The following XIRP2 variants were observed in gnomAD, a reference collection of about 807,000 sequenced individuals.
XIRP2 encodes the protein xin actin binding repeat containing 2, also known as xin actin-binding repeat-containing protein 2.
A neutral mutation model predicts 277.0 loss-of-function variants in XIRP2; 236 were observed. That is an observed-to-expected ratio of 0.85 (90% CI 0.77 to 0.95). The LOEUF (loss-of-function observed/expected upper bound fraction) is 0.95. Among genes scored for constraint, XIRP2 ranks in the 40% least tolerant of loss-of-function variants. XIRP2 has a pLI of 0.00. For synonymous variants in XIRP2, 1,490 were observed against 1,416.5 expected, an observed-to-expected ratio of 1.05 and a Z score of -1.17; for missense variants, 4,640 against 4,157.5, an observed-to-expected ratio of 1.12 and a Z score of -3.19.
chr2:167,009,570 G>GT (rs887667352), intron 2 of XIRP2, among the ~76,000 whole-genome samples: 8 of 151,976 alleles, frequency 5.3e-5, no homozygotes, highest in Non-Finnish European at 1.2e-4. Context: ...AGTCCTTTGG[G>GT]TATATACCCA....
rs3749004 is a variant in XIRP2 at position 167,250,981 on chromosome 2, A to G, written c.9589A>G (p.Ile3197Val). 207,475 of 1,613,492 alleles carry G rather than the reference A, an allele frequency of 0.13. 15,391 individuals carry two copies. The highest frequency in any genetic ancestry group is 0.3 in the African/African-American group (22,619 of 74,880). Residue 3197 changes from isoleucine (I) to valine (V), a missense_variant, in exon 9 of 11, where the codon ATC (isoleucine) becomes GTC (valine). Ile to Val is a conservative substitution (Grantham distance 29). Coordinates refer to ENST00000409195, the MANE Select transcript of XIRP2 (RefSeq NM_152381.6). The part of the protein sequence containing the change: ...DTTAKLSKGA[I>V]PCPAATPVPI... Reference sequence around the variant, plus strand: ...CACTGCAAAGTTATCCAAAGGGGCCATCCCATGTCCAGCAGCAACCCCGGT... The same window carrying G: ...CACTGCAAAGTTATCCAAAGGGGCCGTCCCATGTCCAGCAGCAACCCCGGT...
chr2:166,955,160 T>G (rs1304365316), intron 2 of XIRP2, among the ~76,000 whole-genome samples: 2 of 151,772 alleles, frequency 1.3e-5, no homozygotes, highest in Non-Finnish European at 2.9e-5. Context: ...GGGAAACAAA[T>G]TAAATGTCTA....
intron 2 of XIRP2, among the ~76,000 whole-genome samples, chr2:167,112,239 T>A (rs1210769547): frequency 6.6e-6 from 1 of 152,040 alleles, no homozygotes; most frequent in Non-Finnish European, 1.5e-5. Flanking sequence ...CTCTAGTTCT[T>A]CTTCTTGTAA....
In XIRP2 at chr2:167,249,547, G is replaced by T. The variant is rs1188946881; in HGVS notation, c.8155G>T (p.Asp2719Tyr). ...TAAAACCATCAAACTTCCAACTCTA[G>T]ATCATACATTAAATGAAACAGACCA... The part of the protein sequence containing the change: ...KVKTIKLPTL[D>Y]HTLNETDHSY... Residue 2719 changes from aspartate to tyrosine, a missense_variant, in exon 9 of 11, where the codon GAT (aspartate) becomes TAT (tyrosine). By Grantham distance (160) the Asp-to-Tyr change is radical (BLOSUM62 -3). Coordinates refer to ENST00000409195, the MANE Select transcript of XIRP2 (RefSeq NM_152381.6). 2 of 1,613,402 alleles carry T rather than the reference G, an allele frequency of 1.2e-6. No homozygotes were observed. Among genetic ancestry groups the T allele is most frequent in the South Asian group, 1.1e-5 (1 of 91,060 alleles).
At chr2:166,915,433 A>G (rs974354353) in intron 2 of XIRP2, among the ~76,000 whole-genome samples, 7 of 152,162 alleles carry the variant, frequency 4.6e-5, no homozygotes, top group African/African-American at 7.2e-5. Context: ...AAGAATGTAT[A>G]CAGTTTTTAA....
At chr2:167,059,415 T>C (rs1689123533) in intron 2 of XIRP2, among the ~76,000 whole-genome samples, 2 of 148,162 alleles carry the variant, frequency 1.3e-5, no homozygotes, top group Non-Finnish European at 3.0e-5. Flanking sequence ...CCTGGCTGGA[T>C]TTAACTTTAA....
intron 1 of XIRP2, among the ~76,000 whole-genome samples, chr2:166,900,688 C>CCAT (rs1486043845): frequency 5.3e-5 from 8 of 152,112 alleles, no homozygotes; most frequent in African/African-American, 1.9e-4. Flanking sequence ...TCCTCCAATG[C>CCAT]CATCACCCCT....
At chr2:167,234,843 A>G (rs1694855785) in intron 5 of XIRP2, among the ~76,000 whole-genome samples, 1 of 151,854 alleles carries the variant, frequency 6.6e-6, no homozygotes. Context: ...GTGTCATCAT[A>G]AATATCTCAA....
chr2:167,172,663 TCTGTTCCACCCAG>T (rs1352559723), intron 3 of XIRP2, among the ~76,000 whole-genome samples: 1 of 152,240 alleles, frequency 6.6e-6, no homozygotes, highest in African/African-American at 2.4e-5. Flanking sequence ...AAGAGATGGC[TCTGTTCCACCCAG>T]CTCTCAGGCA....
intron 3 of XIRP2, among the ~76,000 whole-genome samples, chr2:167,206,878 A>G (rs1693870691): frequency 6.6e-6 from 1 of 152,228 alleles, no homozygotes; most frequent in Admixed American, 6.5e-5. Context: ...ATGTGATGAG[A>G]TGCAATCTGG....
At chr2:167,090,726 T>A (rs1017214598) in intron 2 of XIRP2, among the ~76,000 whole-genome samples, 8 of 152,034 alleles carry the variant, frequency 5.3e-5, no homozygotes, top group Non-Finnish European at 7.4e-5. Context: ...AAAGAAACCT[T>A]AGGGGTGTCC....
chr2:167,152,271 C>T (rs1364053797), intron 3 of XIRP2, among the ~76,000 whole-genome samples: 1 of 152,080 alleles, frequency 6.6e-6, no homozygotes, highest in Non-Finnish European at 1.5e-5. Context: ...AAAAGAAGAA[C>T]AGCATCCTTT....
intron 2 of XIRP2, among the ~76,000 whole-genome samples, chr2:167,107,021 C>T (rs112608097): frequency 0.03 from 4,601 of 151,136 alleles, 79 homozygotes; most frequent in East Asian, 0.05. Flanking sequence ...ATATATATTG[C>T]GTGACCTTCC....
intron 3 of XIRP2, among the ~76,000 whole-genome samples, chr2:167,196,669 A>AG (rs1693529403): frequency 6.6e-6 from 1 of 152,094 alleles, no homozygotes; most frequent in African/African-American, 2.4e-5. Flanking sequence ...AATGGGACAT[A>AG]GGGCTTTGTG....
At chr2:167,112,274 T>C (rs779121792) in intron 2 of XIRP2, among the ~76,000 whole-genome samples, 1 of 152,000 alleles carries the variant, frequency 6.6e-6, no homozygotes, top group Non-Finnish European at 1.5e-5. Flanking sequence ...GAGGTCTTTC[T>C]AACTTTTTAA....
chr2:166,907,459 T>C (rs1428891973), intron 2 of XIRP2, among the ~76,000 whole-genome samples: 6 of 152,172 alleles, frequency 3.9e-5, no homozygotes, highest in South Asian at 4.1e-4. Flanking sequence ...TGGCAGTTCA[T>C]CTGATCTTGT....
chr2:167,177,946 G>A (rs73970878), intron 3 of XIRP2, among the ~76,000 whole-genome samples: 2,649 of 151,770 alleles, frequency 0.017, 85 homozygotes, highest in African/African-American at 0.061. Context: ...CTAACTAAAT[G>A]GAATATGGTA....
At chr2:167,076,097 T>C (rs115617557) in intron 2 of XIRP2, among the ~76,000 whole-genome samples, 2,152 of 152,146 alleles carry the variant, frequency 0.014, 58 homozygotes, top group African/African-American at 0.05. Flanking sequence ...ATGCAGAGGA[T>C]GGTATCATGA....
intron 2 of XIRP2, among the ~76,000 whole-genome samples, chr2:167,021,048 A>G (rs1012771045): frequency 6.6e-6 from 1 of 152,040 alleles, no homozygotes; most frequent in Non-Finnish European, 1.5e-5. Flanking sequence ...CTTGGTTCTC[A>G]TCCCTGGCTG....
Sources: allele counts gnomAD v4.1 joint callset (sites outside exome capture counted in the v4.1 genomes callset), GRCh38; gene constraint gnomAD v4.1.1; transcripts MANE v1.5; gene names NCBI Gene and HGNC (gene_info 2026-07-23, HGNC 2026-07-21).